SPG11: variants seen among roughly 807,000 people sequenced by gnomAD.
SPG11 encodes spatacsin.
Under a neutral mutation model 274.0 loss-of-function variants are expected in SPG11, and 222 were observed. That is an observed-to-expected ratio of 0.81 (90% CI 0.73 to 0.91). The LOEUF (loss-of-function observed/expected upper bound fraction) is 0.91. Ranked by LOEUF, SPG11 falls within the 40% of genes least tolerant of loss-of-function variation. The pLI is 0.00. For missense variants in SPG11, 3,114 were observed against 2,872.7 expected, an observed-to-expected ratio of 1.08 and a Z score of -1.92; for synonymous variants, 1,144 against 1,039.7, an observed-to-expected ratio of 1.10 and a Z score of -1.93.
At position 44,595,345 on chromosome 15, in the gene SPG11, G is replaced by C. The variant is rs942704467; in HGVS notation, c.4549C>G (p.Leu1517Val). 3 of 1,614,184 alleles carry C rather than the reference G, an allele frequency of 1.9e-6. No individual in the cohort carries two copies. Among genetic ancestry groups the C allele is most frequent in the East Asian group, 2.2e-5 (1 of 44,888 alleles). Residue 1517 changes from leucine (L) to valine (V), a missense_variant, in exon 26 of 40, where the codon CTT becomes GTT. By Grantham distance (32) the Leu-to-Val change is conservative (BLOSUM62 1). Coordinates refer to ENST00000261866, the MANE Select transcript of SPG11 (RefSeq NM_025137.4). ...CTCCAGATGACTGAAAGATCCTCAA[G>C]GTTCCAGGTATGGTCCTCTGTTGAG... ...QDSTEDHTWN[L>V]EDLSVIWRTL...
chr15:44,564,194 T>C (rs1357431735), intron 39 of SPG11, among the ~76,000 whole-genome samples: 1 of 152,138 alleles, frequency 6.6e-6, no homozygotes, highest in Non-Finnish European at 1.5e-5. Flanking sequence ...GGTTTCACCA[T>C]GTTGGCAAGG....
intron 19 of SPG11, among the ~76,000 whole-genome samples, chr15:44,608,085 G>C (rs2083367634): frequency 6.6e-6 from 1 of 152,130 alleles, no homozygotes; most frequent in Non-Finnish European, 1.5e-5. Context: ...AAGAAGCCAA[G>C]ATATTCTCCC....
At chr15:44,613,646 A>C in intron 16 of SPG11, 110 bp from the exon 17 acceptor site, 1 of 700,278 alleles carries the variant, frequency 1.4e-6, no homozygotes, top group South Asian at 1.6e-5. Flanking sequence ...CTTGGAATTA[A>C]AAAGTAAATA....
chr15:44,644,951 A>G (rs865964025), intron 7 of SPG11, among the ~76,000 whole-genome samples: 1 of 152,364 alleles, frequency 6.6e-6, no homozygotes, highest in South Asian at 2.1e-4. Flanking sequence ...AAAACATCCC[A>G]TGCTCATGGA....
chr15:44,578,793 A>C (rs542563532), intron 30 of SPG11, among the ~76,000 whole-genome samples: 1 of 152,336 alleles, frequency 6.6e-6, no homozygotes, highest in East Asian at 1.9e-4. Flanking sequence ...AAAAATATCA[A>C]CATCCTTCAT....
chr15:44,613,651 T>TA, intron 16 of SPG11, 115 bp from the exon 17 acceptor site: 1 of 684,868 alleles, frequency 1.5e-6, no homozygotes, highest in South Asian at 1.7e-5. Flanking sequence ...AATTAAAAAG[T>TA]AAATATAACA....
At chr15:44,591,968 G>T (rs914551109) in intron 27 of SPG11, among the ~76,000 whole-genome samples, 7 of 152,032 alleles carry the variant, frequency 4.6e-5, no homozygotes, top group African/African-American at 1.7e-4. Flanking sequence ...AACGTTAGCT[G>T]GGTGTGGTGG....
chr15:44,566,706 A>G (rs541652812), intron 36 of SPG11, among the ~76,000 whole-genome samples: 216 of 152,030 alleles, frequency 1.4e-3, no homozygotes, highest in South Asian at 4.0e-3. Context: ...CCACCTCAAC[A>G]TTCTTTTTTT....
chr15:44,597,056 G>A lies in SPG11; in HGVS notation c.4002-113C>T, dbSNP rs562919318. On this transcript the variant is annotated intron_variant, in intron 23 of 39. Transcript: ENST00000261866. Reference sequence around the variant, plus strand: ...AAAATGATATAAATTAAAGCACAGTGTATTCTCCAACAAATACTAAATATT... The same window carrying A: ...AAAATGATATAAATTAAAGCACAGTATATTCTCCAACAAATACTAAATATT... The A allele has an allele frequency of 1.0e-4, 94 of 910,820 alleles. No homozygotes were observed. The African/African-American group carries it at 1.5e-3, about 15-fold the overall frequency. The allele number at this position is 910,820 out of a possible 1,614,324, so 56.4% of individuals were successfully genotyped here.
In SPG11 at chr15:44,606,102, G is replaced by T; in HGVS notation, c.3454-11C>A. On this transcript the variant is annotated splice_polypyrimidine_tract_variant and intron_variant, in intron 19 of 39. Coordinates refer to ENST00000261866, the MANE Select transcript of SPG11 (RefSeq NM_025137.4). ...AAAGGGTGATAATGACTGAAAAAGG[G>T]GAAAAGTTAAACAGAATTAGAAGTT... 6.2e-7 allele frequency: 1 copy of T among 1,612,820 alleles called. No homozygotes were observed. Among genetic ancestry groups the T allele is most frequent in the Non-Finnish European group, 8.5e-7 (1 of 1,179,256 alleles).
chr15:44,651,027 C>T (rs371851850), intron 6 of SPG11, among the ~76,000 whole-genome samples: 6 of 152,274 alleles, frequency 3.9e-5, no homozygotes, highest in Non-Finnish European at 4.4e-5. Context: ...GGATTACAGG[C>T]GTGAGCCACC....
In SPG11 at chr15:44,626,635, G is replaced by T. The variant is rs534605922; in HGVS notation, c.2068-128C>A. On this transcript the variant is annotated intron_variant, in intron 10 of 39. Transcript: ENST00000261866. ...TTATTTAAAATCTATTACTAGATTT[G>T]GAGTTAGGTTCAAGGGATATTAAAT... is the stretch of plus-strand genomic sequence containing the variant. 592 of 965,156 alleles carry T rather than the reference G, an allele frequency of 6.1e-4. 4 individuals are homozygous for T. The South Asian group carries it at 8.5e-3, about 14-fold the overall frequency. 59.8% of individuals were successfully genotyped at this position (965,156 alleles called of 1,614,324 possible).
chr15:44,599,329 C>T (rs544357395), intron 21 of SPG11, among the ~76,000 whole-genome samples: 22 of 152,098 alleles, frequency 1.4e-4, no homozygotes, highest in Non-Finnish European at 2.9e-4. Flanking sequence ...GATGGAGTCT[C>T]GTTTTGTAGC....
chr15:44,611,091 TAAAA>T (rs35831490), intron 17 of SPG11, 106 bp from the exon 18 acceptor site: 369 of 69,632 alleles, frequency 5.3e-3, no homozygotes, highest in South Asian at 0.012. Flanking sequence ...CTATCCCCAG[TAAAA>T]AAAAAAAAAA....
intron 20 of SPG11, among the ~76,000 whole-genome samples, chr15:44,605,294 C>G (rs1311620189): frequency 1.3e-5 from 2 of 152,148 alleles, no homozygotes; most frequent in African/African-American, 4.8e-5. Flanking sequence ...ATGCATTGGA[C>G]TCTGGGCACG....
chr15:44,594,015 C>G (rs986000706), intron 26 of SPG11, among the ~76,000 whole-genome samples: 1 of 151,014 alleles, frequency 6.6e-6, no homozygotes, highest in African/African-American at 2.4e-5. Flanking sequence ...AATGATCCGC[C>G]CGTCTCAGCC....
Position 44,585,772 on chromosome 15 carries a change from G to T in SPG11, c.4985C>A (p.Thr1662Asn). Residue 1662 changes from threonine to asparagine, a missense_variant, in exon 29 of 40, where the codon ACC becomes AAC. Thr to Asn is a moderately conservative substitution (Grantham distance 65). Coordinates refer to ENST00000261866, the MANE Select transcript of SPG11 (RefSeq NM_025137.4). ...TSIAINHTIITSYSIENLQHE... is the reference protein window; with the variant it reads ...TSIAINHTIINSYSIENLQHE... ...CTGAAGATTCTCAATGCTGTAGCTG[G>T]TAATAATTGTATGATTAATGGCTAT... 6.2e-7 allele frequency: 1 copy of T among 1,613,958 alleles called. No homozygotes were observed. The highest frequency in any genetic ancestry group is 8.5e-7 in the Non-Finnish European group (1 of 1,179,964).
At chr15:44,640,110 T>A (rs916405614) in intron 7 of SPG11, among the ~76,000 whole-genome samples, 4 of 152,144 alleles carry the variant, frequency 2.6e-5, no homozygotes, top group African/African-American at 9.7e-5. Context: ...CCTGGGAGGC[T>A]GAGGCAGGAG....
chr15:44,600,228 A>G (rs762244376), intron 21 of SPG11: 2 of 457,716 alleles, frequency 4.4e-6, no homozygotes, highest in Non-Finnish European at 7.9e-6. Context: ...ATGTTTTTCA[A>G]TGTACATGTA....
Sources: gnomAD v4.1 joint callset for allele counts (sites outside exome capture counted in the v4.1 genomes callset) on GRCh38, gnomAD v4.1.1 for gene constraint, MANE v1.5 for transcripts, NCBI Gene and HGNC (gene_info 2026-07-23, HGNC 2026-07-21) for gene names.